Variants in CSMD1 observed in about 807,000 individuals in gnomAD.
CSMD1 encodes the protein CUB and Sushi multiple domains 1.
A neutral mutation model predicts 417.5 loss-of-function variants in CSMD1; 213 were observed. The observed-to-expected ratio is 0.51, with a 90% CI of 0.46 to 0.57. The LOEUF (loss-of-function observed/expected upper bound fraction) is 0.57. CSMD1 is among the 20% of genes least tolerant of loss of function. The pLI is 0.00. For missense variants in CSMD1, 6,923 were observed against 4,529.7 expected (o/e 1.53, Z -15.17); for synonymous variants, 2,862 against 1,736.8 (o/e 1.65, Z -16.11).
At chr8:4,975,309 T>A (rs1209979211) in intron 1 of CSMD1, among the ~76,000 whole-genome samples, 1 of 152,226 alleles carries the variant, frequency 6.6e-6, no homozygotes, top group East Asian at 1.9e-4. Flanking sequence ...GAAGAGAGAC[T>A]GTAGATTATT....
chr8:3,725,529 G>T (rs1458236279), intron 6 of CSMD1, among the ~76,000 whole-genome samples: 2 of 152,098 alleles, frequency 1.3e-5, no homozygotes, highest in Non-Finnish European at 2.9e-5. Flanking sequence ...TGTGTATGTG[G>T]GTTTGTGTCC....
intron 2 of CSMD1, among the ~76,000 whole-genome samples, chr8:4,597,591 A>G (rs1800355044): frequency 6.6e-6 from 1 of 152,242 alleles, no homozygotes; most frequent in Non-Finnish European, 1.5e-5. Context: ...GAAATAAAAC[A>G]CAGAAATGAA....
chr8:4,447,941 T>C (rs1242287079), intron 2 of CSMD1, among the ~76,000 whole-genome samples: 1 of 151,978 alleles, frequency 6.6e-6, no homozygotes, highest in Non-Finnish European at 1.5e-5. Context: ...ACACTCACCA[T>C]ATTTTTTAAA....
In CSMD1 at chr8:2,957,787, G is replaced by C. The variant is rs775113766; in HGVS notation, c.9723C>G (p.Phe3241Leu). ...GAATATGGTAGCCTTTTCTGCACCT[G>C]AAAAAAACCGTGCTTCCAACCTAGA... The part of the protein sequence containing the change: ...RGYEVGSTVF[F>L]RCRKGYHIQG... Residue 3241 changes from phenylalanine (F) to leucine (L), a missense_variant, in exon 63 of 70, where the codon TTC (phenylalanine) becomes TTG (leucine). Physicochemically the swap from Phe to Leu is conservative, Grantham distance 22. Coordinates refer to ENST00000635120, the MANE Select transcript of CSMD1 (RefSeq NM_033225.6). 9.9e-5 allele frequency: 157 copies of C among 1,586,494 alleles called. 1 individual carries two copies. The Admixed American group carries it at 2.7e-3, about 28-fold the overall frequency.
At chr8:4,980,841 C>A (rs1405429433) in intron 1 of CSMD1, among the ~76,000 whole-genome samples, 1 of 151,844 alleles carries the variant, frequency 6.6e-6, no homozygotes, top group Non-Finnish European at 1.5e-5. Flanking sequence ...GAAGTTGAGG[C>A]TGCAGTGAGC....
At chr8:3,359,932 T>C (rs1341392384) in intron 20 of CSMD1, among the ~76,000 whole-genome samples, 5 of 152,216 alleles carry the variant, frequency 3.3e-5, no homozygotes, top group African/African-American at 1.2e-4. Context: ...GATAATTCAC[T>C]TCAAAACTGT....
chr8:4,645,444 C>CAA lies in CSMD1; in HGVS notation c.86-7888_86-7887dup, dbSNP rs549511320. On this transcript the variant is annotated intron_variant, in intron 1 of 69. Coordinates refer to ENST00000635120, the MANE Select transcript of CSMD1 (RefSeq NM_033225.6). Reference sequence around the variant, plus strand: ...CAAGACAGCAGGTGTAGTGCAGGGGCAAAAAAAAAAAAAAAAAAAAAAAGG... The same window carrying CAA: ...CAAGACAGCAGGTGTAGTGCAGGGGCAAAAAAAAAAAAAAAAAAAAAAAAAGG... Among the ~76,000 whole-genome samples the CAA allele has an allele frequency of 7.9e-3, 289 of 36,790 alleles. 16 individuals carry two copies. Among genetic ancestry groups the CAA allele is most frequent in the African/African-American group, 0.02 (178 of 8,984 alleles). The allele number at this position is 36,790 out of a possible 152,430, so 24.1% of individuals were successfully genotyped here. A position where few individuals can be genotyped will look rare whatever the true frequency, so the allele number is the denominator to read the frequency against.
intron 1 of CSMD1, among the ~76,000 whole-genome samples, chr8:4,739,876 TA>T (rs1015578323): frequency 1.1e-4 from 16 of 152,274 alleles, no homozygotes; most frequent in African/African-American, 3.8e-4. Context: ...GGGATCTTTC[TA>T]AAACTCAGCA....
chr8:3,817,249 C>CTTATTTTTTTTT (rs1469642230), intron 5 of CSMD1, among the ~76,000 whole-genome samples: 1 of 72,948 alleles, frequency 1.4e-5, no homozygotes, highest in Admixed American at 1.9e-4. Context: ...ATATCTTCTT[C>CTTATTTTTTTTT]TTCTTTTTTT....
chr8:2,958,879 CG>C (rs1803229564), intron 62 of CSMD1, among the ~76,000 whole-genome samples: 1 of 152,010 alleles, frequency 6.6e-6, no homozygotes, highest in African/African-American at 2.4e-5. Flanking sequence ...GTTGGGATTC[CG>C]GGAAGAATAA....
chr8:4,328,752 G>C (rs1337646857), intron 3 of CSMD1, among the ~76,000 whole-genome samples: 1 of 152,110 alleles, frequency 6.6e-6, no homozygotes, highest in Non-Finnish European at 1.5e-5. Flanking sequence ...TATCAAAAAA[G>C]TTACATCGTT....
intron 5 of CSMD1, among the ~76,000 whole-genome samples, chr8:3,962,817 T>C (rs1053694235): frequency 1.3e-5 from 2 of 152,186 alleles, no homozygotes; most frequent in East Asian, 3.8e-4. Context: ...AATAAGTTTC[T>C]TTTCACATTT....
At chr8:4,329,256 C>G (rs1000344466) in intron 3 of CSMD1, among the ~76,000 whole-genome samples, 3 of 152,082 alleles carry the variant, frequency 2.0e-5, no homozygotes, top group African/African-American at 7.2e-5. Flanking sequence ...AGAATACAAA[C>G]AAAGACCTAT....
intron 9 of CSMD1, among the ~76,000 whole-genome samples, chr8:3,578,305 T>G (rs1279138118): frequency 1.5e-5 from 2 of 130,692 alleles, no homozygotes; most frequent in African/African-American, 4.9e-5. Context: ...GTAGATCCAA[T>G]GAGTGAGTGT....
chr8:3,979,589 G>C (rs1258779989), intron 5 of CSMD1, among the ~76,000 whole-genome samples: 1 of 152,154 alleles, frequency 6.6e-6, no homozygotes, highest in South Asian at 2.1e-4. Context: ...GGATCATGAG[G>C]ATGCGGCCAA....
chr8:3,084,068 A>C (rs1353866180), intron 49 of CSMD1, among the ~76,000 whole-genome samples: 1 of 152,166 alleles, frequency 6.6e-6, no homozygotes, highest in Non-Finnish European at 1.5e-5. Context: ...ACAACTGCTC[A>C]ACATATCTGT....
At chr8:4,174,774 A>G (rs117045505) in intron 3 of CSMD1, among the ~76,000 whole-genome samples, 347 of 18,994 alleles carry the variant, frequency 0.018, 4 homozygotes, top group Middle Eastern at 0.029. Context: ...GAGGGGAGGG[A>G]GAGAGACAGA....
chr8:3,735,523 G>C (rs1289248818), intron 6 of CSMD1, among the ~76,000 whole-genome samples: 7 of 152,180 alleles, frequency 4.6e-5, no homozygotes, highest in East Asian at 1.9e-4. Flanking sequence ...ATTCTGTCCA[G>C]TTACACAGTA....
chr8:3,834,153 C>CTA (rs1802532824), intron 5 of CSMD1, among the ~76,000 whole-genome samples: 1 of 152,046 alleles, frequency 6.6e-6, no homozygotes. Context: ...ATTGCTTTAT[C>CTA]TATATATACC....
Sources: allele counts gnomAD v4.1 joint callset (sites outside exome capture counted in the v4.1 genomes callset), GRCh38; gene constraint gnomAD v4.1.1; transcripts MANE v1.5; gene names NCBI Gene and HGNC (gene_info 2026-07-23, HGNC 2026-07-21).